INTS4: variants seen among roughly 807,000 people sequenced by gnomAD.
INTS4 encodes integrator complex subunit 4.
Under a neutral mutation model 119.5 loss-of-function variants are expected in INTS4, and 70 were observed. That is an observed-to-expected ratio of 0.59 (90% confidence interval 0.48 to 0.71). The LOEUF is 0.71. Among genes scored for constraint, INTS4 ranks in the 30% least tolerant of loss-of-function variants. The pLI, the probability that INTS4 is intolerant of heterozygous loss-of-function variation, is 0.00. For missense variants in INTS4, 867 were observed against 1,173.2 expected (o/e 0.74, Z 3.81); for synonymous variants, 316 against 419.6 (o/e 0.75, Z 3.02).
chr11:77,970,158 A>G (rs545113398), intron 4 of INTS4, among the ~76,000 whole-genome samples: 1 of 152,296 alleles, frequency 6.6e-6, no homozygotes, highest in South Asian at 2.1e-4. Context: ...GCACTTTGGG[A>G]GGCTGAGGCG....
chr11:77,970,054 G>A (rs900767395), intron 4 of INTS4, among the ~76,000 whole-genome samples: 1 of 152,082 alleles, frequency 6.6e-6, no homozygotes, highest in Admixed American at 6.6e-5. Flanking sequence ...ATCAGCTGAT[G>A]GTCATTTGAC....
At chr11:77,943,344 C>T (rs1953974021) in intron 8 of INTS4, among the ~76,000 whole-genome samples, 2 of 152,050 alleles carry the variant, frequency 1.3e-5, no homozygotes, top group African/African-American at 4.8e-5. Flanking sequence ...CATAGTAATC[C>T]ACTTGAAAAA....
intron 1 of INTS4, among the ~76,000 whole-genome samples, chr11:77,993,551 T>G (rs781114884): frequency 6.6e-6 from 1 of 152,212 alleles, no homozygotes; most frequent in Non-Finnish European, 1.5e-5. Context: ...GAAATCACAT[T>G]GTGCAACAGT....
intron 4 of INTS4, among the ~76,000 whole-genome samples, chr11:77,967,733 G>C (rs1232568999): frequency 2.0e-5 from 3 of 151,972 alleles, no homozygotes; most frequent in Non-Finnish European, 2.9e-5. Context: ...GAAAATATCA[G>C]ATAAAACCAG....
At chr11:77,948,271 G>A (rs985744432) in intron 8 of INTS4, among the ~76,000 whole-genome samples, 9 of 152,200 alleles carry the variant, frequency 5.9e-5, no homozygotes, top group Non-Finnish European at 1.0e-4. Flanking sequence ...CAACAAGAAA[G>A]GAAGACAAGA....
chr11:77,917,593 A>C (rs1953234593), intron 15 of INTS4, among the ~76,000 whole-genome samples: 1 of 152,060 alleles, frequency 6.6e-6, no homozygotes, highest in African/African-American at 2.4e-5. Context: ...TACAGGCATG[A>C]GCCACTGCAC....
intron 2 of INTS4, among the ~76,000 whole-genome samples, chr11:77,989,821 C>T (rs1856594886): frequency 6.6e-6 from 1 of 152,130 alleles, no homozygotes; most frequent in Non-Finnish European, 1.5e-5. Context: ...ATCAATTGAG[C>T]CTCGGAGGTC....
intron 18 of INTS4, among the ~76,000 whole-genome samples, chr11:77,898,062 C>T (rs1365489255): frequency 6.6e-6 from 1 of 152,180 alleles, no homozygotes; most frequent in Non-Finnish European, 1.5e-5. Context: ...AGCGATCCTC[C>T]TGCTTTGGCC....
chr11:77,988,155 G>A (rs1386321892), intron 2 of INTS4, among the ~76,000 whole-genome samples: 2 of 152,132 alleles, frequency 1.3e-5, no homozygotes, highest in African/African-American at 2.4e-5. Flanking sequence ...ATGTTCCTAG[G>A]AACCTGCCAG....
chr11:77,930,856 A>C (rs1474114701), intron 10 of INTS4, among the ~76,000 whole-genome samples: 4 of 152,194 alleles, frequency 2.6e-5, no homozygotes, highest in Non-Finnish European at 4.4e-5. Context: ...AATATGTCAC[A>C]GATTCCCTAT....
chr11:77,875,312 G>T (rs598933), downstream of INTS4, among the ~76,000 whole-genome samples: 1 of 151,984 alleles, frequency 6.6e-6, no homozygotes, highest in East Asian at 1.9e-4. Flanking sequence ...AAGAAATAAG[G>T]CGTGTAAACA....
intron 14 of INTS4, among the ~76,000 whole-genome samples, chr11:77,920,386 TAGAG>T (rs1228896743): frequency 6.6e-6 from 1 of 150,676 alleles, no homozygotes; most frequent in African/African-American, 2.4e-5. Flanking sequence ...TTAATGCAAA[TAGAG>T]AGATTGGAAG....
At position 77,915,048 on chromosome 11, in the gene INTS4, G is replaced by T. The variant is rs531690770; in HGVS notation, c.1922+3773C>A. The T allele has an allele frequency of 9.4e-5, 19 of 203,090 alleles. No homozygotes were observed. In the South Asian group the frequency reaches 1.7e-3, roughly 19 times the overall value. The allele number at this position is 203,090 out of a possible 1,614,324, so 12.6% of individuals were successfully genotyped here. On this transcript the variant is annotated intron_variant, in intron 15 of 22. Transcript: ENST00000534064. The stretch of plus-strand genomic sequence containing the variant: ...TTCTTCACACCACACAGCCATCTTT[G>T]ACATATTTCAACTTGTTAACGATTC...
chr11:77,908,975 T>C (rs1565237511), intron 15 of INTS4, among the ~76,000 whole-genome samples: 1 of 152,244 alleles, frequency 6.6e-6, no homozygotes, highest in Non-Finnish European at 1.5e-5. Context: ...TAGTATCTGA[T>C]TGAACTAAGC....
At chr11:77,990,200 T>G (rs1856615219) in intron 2 of INTS4, among the ~76,000 whole-genome samples, 1 of 130,140 alleles carries the variant, frequency 7.7e-6, no homozygotes, top group Non-Finnish European at 1.6e-5. Flanking sequence ...CCAGGCTGAG[T>G]GACAGACCAA....
intron 10 of INTS4, among the ~76,000 whole-genome samples, chr11:77,930,323 T>G (rs1387839844): frequency 6.6e-6 from 1 of 152,246 alleles, no homozygotes; most frequent in Non-Finnish European, 1.5e-5. Flanking sequence ...AGACAGATGA[T>G]TCAGGTTTTT....
chr11:77,928,633 A>T (rs1310740819), intron 10 of INTS4, 86 bp from the exon 11 acceptor site: 1 of 1,519,248 alleles, frequency 6.6e-7, no homozygotes, highest in African/African-American at 1.4e-5. Context: ...AGGCCAAGGG[A>T]GGCAGATCAC....
rs531114583 is a variant in INTS4, at chr11:77,934,253, C to T, written c.1165+4398G>A. ...CAAGTACCCAGGGACACAAACACTG[C>T]GGAAGGCCACAGGGTCCTCTGCCTA... is the stretch of plus-strand genomic sequence containing the variant. On this transcript the variant is annotated intron_variant, in intron 10 of 22. Transcript: ENST00000534064. Among the ~76,000 whole-genome samples the T allele has an allele frequency of 1.2e-4, 19 of 152,080 alleles. No individual in the cohort carries two copies. In the South Asian group the frequency reaches 2.9e-3, roughly 23 times the overall value.
At chr11:77,940,268 A>C (rs182035092) in intron 9 of INTS4, among the ~76,000 whole-genome samples, 30 of 151,914 alleles carry the variant, frequency 2.0e-4, no homozygotes, top group Admixed American at 1.6e-3. Context: ...ATTTCTACTA[A>C]AGATAAAAAA....
Sources: gnomAD v4.1 joint callset for allele counts (sites outside exome capture counted in the v4.1 genomes callset) on GRCh38, gnomAD v4.1.1 for gene constraint, MANE v1.5 for transcripts, NCBI Gene and HGNC (gene_info 2026-07-23, HGNC 2026-07-21) for gene names.